The following AGPAT5 variants were observed in gnomAD, a reference collection of about 807,000 sequenced individuals.
The protein encoded by AGPAT5 is 1-acyl-sn-glycerol-3-phosphate acyltransferase epsilon.
AGPAT5 carries 46 observed loss-of-function variants against 45.6 expected under a neutral mutation model. That is an observed-to-expected ratio of 1.01 (90% CI 0.80 to 1.29). AGPAT5 has a LOEUF of 1.29. Ranked by LOEUF, AGPAT5 falls within the 50% of genes most tolerant of loss-of-function variation. AGPAT5 has a pLI of 0.00. For synonymous variants in AGPAT5, 272 were observed against 167.0 expected (o/e 1.63, Z -4.85); for missense variants, 673 against 450.7 (o/e 1.49, Z -4.47).
At chr8:6,739,513 C>G (rs957189945) in intron 4 of AGPAT5, among the ~76,000 whole-genome samples, 2 of 151,890 alleles carry the variant, frequency 1.3e-5, no homozygotes, top group Non-Finnish European at 2.9e-5. Context: ...CAGATATATC[C>G]CTAAGAATTT....
intron 2 of AGPAT5, among the ~76,000 whole-genome samples, chr8:6,727,179 T>A (rs954048555): frequency 6.6e-6 from 1 of 152,224 alleles, no homozygotes; most frequent in African/African-American, 2.4e-5. Flanking sequence ...CTGCCAGGCT[T>A]GCCGGAATAA....
intron 4 of AGPAT5, among the ~76,000 whole-genome samples, chr8:6,732,913 T>C (rs1800916003): frequency 6.6e-6 from 1 of 152,052 alleles, no homozygotes. Context: ...TCGTTCAGAG[T>C]CTATAAATAG....
At chr8:6,742,240 G>T (rs1377969595) in intron 5 of AGPAT5, among the ~76,000 whole-genome samples, 1 of 152,180 alleles carries the variant, frequency 6.6e-6, no homozygotes, top group Non-Finnish European at 1.5e-5. Flanking sequence ...GTGAGGATTA[G>T]ATTAGAAAAT....
At chr8:6,724,185 T>A (rs543477678) in intron 1 of AGPAT5, among the ~76,000 whole-genome samples, 1 of 152,264 alleles carries the variant, frequency 6.6e-6, no homozygotes, top group African/African-American at 2.4e-5. Flanking sequence ...CAGAATAAAG[T>A]TTTAATCTTT....
chr8:6,747,547 G>A (rs910125872), intron 5 of AGPAT5, 123 bp from the exon 6 acceptor site: 5 of 916,576 alleles, frequency 5.5e-6, no homozygotes, highest in Non-Finnish European at 8.1e-6. Flanking sequence ...AATATATGAG[G>A]TTGTGGAATT....
At chr8:6,713,842 C>T (rs1800235204) in intron 1 of AGPAT5, among the ~76,000 whole-genome samples, 1 of 152,194 alleles carries the variant, frequency 6.6e-6, no homozygotes, top group Non-Finnish European at 1.5e-5. Context: ...CTGATTCATA[C>T]TCTTAACTGA....
At chr8:6,730,237 AAAG>A (rs753703628) in intron 2 of AGPAT5, among the ~76,000 whole-genome samples, 1 of 151,788 alleles carries the variant, frequency 6.6e-6, no homozygotes, top group East Asian at 1.9e-4. Context: ...GCAAAAAAAA[AAAG>A]CTCAAAAAAC....
intron 5 of AGPAT5, among the ~76,000 whole-genome samples, chr8:6,745,505 CA>C (rs1563302286): frequency 6.6e-6 from 1 of 152,214 alleles, no homozygotes; most frequent in African/African-American, 2.4e-5. Flanking sequence ...TGTTAACTTT[CA>C]CATAACTTTT....
intron 4 of AGPAT5, among the ~76,000 whole-genome samples, chr8:6,736,277 C>T (rs2116913803): frequency 6.6e-6 from 1 of 152,332 alleles, no homozygotes; most frequent in Non-Finnish European, 1.5e-5. Flanking sequence ...TCAGACTTTA[C>T]CAGGTTTTCC....
At chr8:6,717,220 G>A (rs76036289) in intron 1 of AGPAT5, among the ~76,000 whole-genome samples, 1,774 of 152,294 alleles carry the variant, frequency 0.012, 39 homozygotes, top group African/African-American at 0.04. Context: ...TGTTTCTTCT[G>A]TTTCTCTGTA....
At chr8:6,711,101 A>T (rs1014253883) in intron 1 of AGPAT5, among the ~76,000 whole-genome samples, 5 of 152,148 alleles carry the variant, frequency 3.3e-5, no homozygotes, top group African/African-American at 7.2e-5. Flanking sequence ...AATTTTTTTT[A>T]AATGACATTT....
Position 6,747,719 on chromosome 8 carries a change from C to A in AGPAT5, c.636C>A (p.His212Gln), listed in dbSNP as rs539082371. The change falls in exon 6 of 8, where the codon CAC becomes CAA. Residue 212 changes from histidine to glutamine, a missense_variant. By Grantham distance (24) the His-to-Gln change is conservative. Transcript: ENST00000285518. ...HVLTPRIKATHVAFDCMKNYL... is the reference protein window; with the variant it reads ...HVLTPRIKATQVAFDCMKNYL... ...TAACACCACGAATAAAGGCAACTCACGTTGCTTTTGATTGCATGAAGAATT... is the reference window on the plus strand; with the variant it reads ...TAACACCACGAATAAAGGCAACTCAAGTTGCTTTTGATTGCATGAAGAATT... 4 of 1,614,016 alleles carry A rather than the reference C, an allele frequency of 2.5e-6. No individual in the cohort carries two copies. In the Admixed American group the frequency reaches 6.7e-5, roughly 27 times the overall value.
rs1001267516 is a variant in AGPAT5 at position 6,761,145 on chromosome 8, A to C, written c.*3757A>C. Among the ~76,000 whole-genome samples, 3 of 152,200 alleles carry C rather than the reference A, an allele frequency of 2.0e-5. No homozygotes were observed. Among genetic ancestry groups the C allele is most frequent in the African/African-American group, 7.2e-5 (3 of 41,440 alleles). ...CAGGGGAAAAGGTTATTTTTAGGAA[A>C]ACCACTTCAAATAGAAAGCTGAAGT... On this transcript the variant is annotated 3_prime_UTR_variant, in exon 8 of 8. Coordinates refer to ENST00000285518, the MANE Select transcript of AGPAT5 (RefSeq NM_018361.5).
chr8:6,736,139 A>C (rs1801046405), intron 4 of AGPAT5, among the ~76,000 whole-genome samples: 1 of 152,188 alleles, frequency 6.6e-6, no homozygotes, highest in African/African-American at 2.4e-5. Flanking sequence ...GGTGTGAGCC[A>C]CCACGCCCAG....
In AGPAT5 at chr8:6,747,827, G is replaced by A. The variant is rs759275067; in HGVS notation, c.744G>A (p.Thr248=). The A allele has an allele frequency of 7.4e-5, 120 of 1,613,698 alleles. No individual in the cohort carries two copies. Among genetic ancestry groups the A allele is most frequent in the Admixed American group, 1.2e-4 (7 of 59,990 alleles). Residue 248 remains threonine (T), a splice_region_variant and synonymous_variant, in exon 6 of 8, where the codon ACG becomes ACA. Coordinates refer to ENST00000285518, the MANE Select transcript of AGPAT5 (RefSeq NM_018361.5). ...GGQRRESPTM[T]EFLCKECPKI... is the part of the protein sequence containing the mutation. Reference sequence around the variant, plus strand: ...AGCGAAGAGAGTCACCGACCATGACGGGTAAGTGTGTTCACGCACCTGAAA... The same window carrying A: ...AGCGAAGAGAGTCACCGACCATGACAGGTAAGTGTGTTCACGCACCTGAAA...
At chr8:6,752,154 CT>C (rs1431379011) in intron 6 of AGPAT5, among the ~76,000 whole-genome samples, 1 of 151,950 alleles carries the variant, frequency 6.6e-6, no homozygotes, top group African/African-American at 2.4e-5. Flanking sequence ...TCTAGCCTGG[CT>C]GACAGAGCAA....
At chr8:6,734,009 G>A (rs991600015) in intron 4 of AGPAT5, among the ~76,000 whole-genome samples, 5 of 152,122 alleles carry the variant, frequency 3.3e-5, no homozygotes, top group African/African-American at 1.2e-4. Context: ...GCCTTCGTGA[G>A]TTTCTTCTTG....
intron 5 of AGPAT5, among the ~76,000 whole-genome samples, chr8:6,747,378 T>A (rs1283941447): frequency 6.6e-6 from 1 of 152,222 alleles, no homozygotes; most frequent in Non-Finnish European, 1.5e-5. Context: ...CACTAATATT[T>A]ACCCTTGCCG....
intron 1 of AGPAT5, chr8:6,709,293 C>T (rs1233213948): frequency 9.4e-6 from 2 of 213,278 alleles, no homozygotes; most frequent in African/African-American, 4.8e-5. Flanking sequence ...ACAGTGACCT[C>T]TTGAAACAGA....
Sources: allele counts gnomAD v4.1 joint callset (sites outside exome capture counted in the v4.1 genomes callset), GRCh38; gene constraint gnomAD v4.1.1; transcripts MANE v1.5; gene names NCBI Gene and HGNC (gene_info 2026-07-23, HGNC 2026-07-21).